Variants in NSMF observed in about 807,000 individuals in gnomAD.
The protein encoded by NSMF is nasal embryonic LHRH factor.
In NSMF, 31 loss-of-function variants were observed where a neutral mutation model predicts 71.0. The observed-to-expected ratio is 0.44, with a 90% CI of 0.33 to 0.59. The LOEUF is 0.59. NSMF is among the 20% of genes least tolerant of loss of function. The pLI is 0.04. For missense variants in NSMF, 673 were observed against 740.5 expected (o/e 0.91, Z 1.06); for synonymous variants, 345 against 287.1 (o/e 1.20, Z -2.04).
chr9:137,459,070 C>T lies in NSMF; in HGVS notation c.33G>A (p.Leu11=). The change falls in exon 1 of 16, where the codon CTG becomes CTA. Residue 11 remains leucine, a synonymous_variant. Coordinates refer to ENST00000371475, the MANE Select transcript of NSMF (RefSeq NM_001130969.3). The part of the protein sequence containing the change: MGAAASRRRA[L]RSEAMSSVAA... ...CCACCGAGGACATGGCCTCGCTCCT[C>T]AGCGCCCTCCTCCTGGAGGCGGCGG... 2 of 1,273,066 alleles carry T rather than the reference C, an allele frequency of 1.6e-6. No individual in the cohort carries two copies. Among genetic ancestry groups the T allele is most frequent in the South Asian group, 5.2e-5 (2 of 38,692 alleles). The allele number at this position is 1,273,066 out of a possible 1,614,324, so 78.9% of individuals were successfully genotyped here.
Position 137,455,715 on chromosome 9 carries a change from G to C in NSMF, c.705-81C>G, listed in dbSNP as rs144365670. On this transcript the variant is annotated intron_variant, in intron 4 of 15. Coordinates refer to ENST00000371475, the MANE Select transcript of NSMF (RefSeq NM_001130969.3). ...CCGGGCCTCCCCTCAGCCCCCACCC[G>C]GTCCCTACAGTTCCCTTCTTGTCAC... The C allele has an allele frequency of 2.7e-6, 4 of 1,461,636 alleles. No individual in the cohort carries two copies. The Admixed American group carries it at 5.9e-5, about 22-fold the overall frequency. 90.5% of individuals were successfully genotyped at this position (1,461,636 alleles called of 1,614,324 possible).
At chr9:137,457,385 T>C in intron 3 of NSMF, 22 bp downstream of exon 3, 2 of 1,612,868 alleles carry the variant, frequency 1.2e-6, no homozygotes, top group Non-Finnish European at 1.7e-6. Flanking sequence ...AACCTGTCTA[T>C]GCCCTGACAC....
chr9:137,456,619 G>A (rs1830851114), intron 3 of NSMF, 133 bp from the exon 4 acceptor site: 2 of 730,976 alleles, frequency 2.7e-6, no homozygotes, highest in African/African-American at 1.7e-5. Flanking sequence ...TGGGGGGAGG[G>A]TGGCATCCCC....
At position 137,457,466 on chromosome 9, in the gene NSMF, G is replaced by A. The variant is rs1192435041; in HGVS notation, c.569C>T (p.Pro190Leu). 6.2e-7 allele frequency: 1 copy of A among 1,612,816 alleles called. No homozygotes were observed. The highest frequency in any genetic ancestry group is 1.1e-5 in the South Asian group (1 of 91,078). Residue 190 changes from proline to leucine, a missense_variant, in exon 3 of 16, where the codon CCT (proline) becomes CTT (leucine). Physicochemically the swap from Pro to Leu is moderately conservative, Grantham distance 98 (BLOSUM62 -3). This residue lies in a region of NSMF where 471 missense variants were observed against 459.6 expected (regional missense o/e 1.02). Transcript: ENST00000371475. ...RAFGLDQPPL[P>L]ETSGRRKKLE... ...CTTCTTGCGGCGACCGGAGGTCTCA[G>A]GCAGAGGTGGCTGGTCCAGCCCAAA...
rs1041862636 is a variant in NSMF at position 137,449,109 on chromosome 9, A to G, written c.*285T>C. The G allele has an allele frequency of 1.8e-6, 1 of 564,640 alleles. No individual in the cohort carries two copies. The highest frequency in any genetic ancestry group is 2.0e-5 in the South Asian group (1 of 49,740). 35.0% of individuals were successfully genotyped at this position (564,640 alleles called of 1,614,324 possible). A position where few individuals can be genotyped will look rare whatever the true frequency, so the allele number is the denominator to read the frequency against. On this transcript the variant is annotated 3_prime_UTR_variant, in exon 16 of 16. Coordinates refer to ENST00000371475, the MANE Select transcript of NSMF (RefSeq NM_001130969.3). The stretch of plus-strand genomic sequence containing the variant: ...CTATGAACCCCATGGAGGGATGCCC[A>G]CAGCTGAGCCTCCAGGCGAGGCATG...
At chr9:137,456,684 G>A (rs1049524693) in intron 3 of NSMF, among the ~76,000 whole-genome samples, 198 bp from the exon 4 acceptor site, 1 of 152,200 alleles carries the variant, frequency 6.6e-6, no homozygotes, top group Non-Finnish European at 1.5e-5. Context: ...CCAAGACCAC[G>A]CTCTTGGTAA....
At chr9:137,450,452 C>G (rs565826899) in intron 12 of NSMF, among the ~76,000 whole-genome samples, 197 bp from the exon 13 acceptor site, 1 of 102,152 alleles carries the variant, frequency 9.8e-6, no homozygotes, top group Non-Finnish European at 2.0e-5. Flanking sequence ...CCCCCCACGC[C>G]TCTTCCCCTT....
chr9:137,455,754 C>A, intron 4 of NSMF, 120 bp from the exon 5 acceptor site: 2 of 1,098,262 alleles, frequency 1.8e-6, no homozygotes, highest in South Asian at 1.3e-5. Flanking sequence ...CCCAATAGGT[C>A]CCTCACAGGT....
rs1830848369 is a variant in NSMF at position 137,456,564 on chromosome 9, T to C, written c.629-78A>G. On this transcript the variant is annotated intron_variant, in intron 3 of 15. Transcript: ENST00000371475. ...CTCTCCCTCCCTGTTGGGAAGCAGATGCTTCTGGGTCCAGGGGTCAGCAGA... is the reference window on the plus strand; with the variant it reads ...CTCTCCCTCCCTGTTGGGAAGCAGACGCTTCTGGGTCCAGGGGTCAGCAGA... 17 of 908,258 alleles carry C rather than the reference T, an allele frequency of 1.9e-5. No homozygotes were observed. The South Asian group carries it at 2.2e-4, about 12-fold the overall frequency. The allele number at this position is 908,258 out of a possible 1,614,324, so 56.3% of individuals were successfully genotyped here. A position where few individuals can be genotyped will look rare whatever the true frequency, so the allele number is the denominator to read the frequency against.
chr9:137,456,189 C>T (rs957848825), intron 4 of NSMF, among the ~76,000 whole-genome samples: 1 of 151,184 alleles, frequency 6.6e-6, no homozygotes, highest in Non-Finnish European at 1.5e-5. Context: ...TGGGCCAGGT[C>T]CCCTGACTGT....
rs1830604208 is a variant in NSMF, at chr9:137,452,771, G to A, written c.1096C>T (p.Arg366Cys). 6 of 1,606,930 alleles carry A rather than the reference G, an allele frequency of 3.7e-6. No homozygotes were observed. Among genetic ancestry groups the A allele is most frequent in the Non-Finnish European group, 5.1e-6 (6 of 1,177,964 alleles). Residue 366 changes from arginine (R) to cysteine (C), a missense_variant, in exon 10 of 16, where the codon CGC becomes TGC. Around this residue, in one of 2 missense-constraint regions of NSMF, gnomAD observed 202 missense variants for 280.8 expected, o/e 0.72. Coordinates refer to ENST00000371475, the MANE Select transcript of NSMF (RefSeq NM_001130969.3). Reference sequence around the variant, plus strand: ...GGGATGATGGAGGGGTCATCCCGGCGGATGATAGTGGGGATGTACTCAGCC... The same window carrying A: ...GGGATGATGGAGGGGTCATCCCGGCAGATGATAGTGGGGATGTACTCAGCC... ...PKAEYIPTII[R>C]RDDPSIIPIL...
rs1831036358 is a variant in NSMF, at chr9:137,459,012, G to T, written c.71+20C>A. On this transcript the variant is annotated intron_variant, in intron 1 of 15. Transcript: ENST00000371475. ...GGAGGTCCAGGGCGGGGTGCGGGAA[G>T]GCGGCCCCGCCGCACTCACCGCACT... The T allele has an allele frequency of 1.4e-5, 18 of 1,275,818 alleles. No individual in the cohort carries two copies. Among genetic ancestry groups the T allele is most frequent in the Non-Finnish European group, 1.8e-5 (18 of 1,012,074 alleles). The allele number at this position is 1,275,818 out of a possible 1,614,324, so 79.0% of individuals were successfully genotyped here. A position where few individuals can be genotyped will look rare whatever the true frequency, so the allele number is the denominator to read the frequency against.
At chr9:137,455,032 T>C (rs1446792165) in intron 6 of NSMF, 2 of 732,134 alleles carry the variant, frequency 2.7e-6, no homozygotes, top group Non-Finnish European at 5.0e-6. Context: ...CAGAGACACG[T>C]GCCCTCGGAG....
At position 137,453,462 on chromosome 9, in the gene NSMF, G is replaced by C. The variant is rs937297038; in HGVS notation, c.922+269C>G. 5 of 600,320 alleles carry C rather than the reference G, an allele frequency of 8.3e-6. No individual in the cohort carries two copies. Among genetic ancestry groups the C allele is most frequent in the South Asian group, 4.0e-5 (2 of 50,518 alleles). The allele number at this position is 600,320 out of a possible 1,614,324, so 37.2% of individuals were successfully genotyped here. ...CGGGCGCCTGGGAGGGAGTGGGGGC[G>C]GGCACCGCAGCCCCCTGCCCCTGAG... On this transcript the variant is annotated intron_variant, in intron 8 of 15. Coordinates refer to ENST00000371475, the MANE Select transcript of NSMF (RefSeq NM_001130969.3). This position sits in a 1 kb window ranked among gnomAD's most constrained non-coding sequence, Gnocchi z 4.5.
intron 7 of NSMF, among the ~76,000 whole-genome samples, chr9:137,454,044 T>C (rs1431267494): frequency 7.0e-6 from 1 of 141,848 alleles, no homozygotes; most frequent in East Asian, 2.1e-4. Context: ...GGGAGGAGCC[T>C]GGGCCGGGCT....
chr9:137,454,457 C>A lies in NSMF; in HGVS notation c.780-14G>T. The A allele has an allele frequency of 6.5e-7, 1 of 1,550,176 alleles. No individual in the cohort carries two copies. The highest frequency in any genetic ancestry group is 8.7e-7 in the Non-Finnish European group (1 of 1,146,832). Reference sequence around the variant, plus strand: ...TTGCGGAAGTTCCTGGGGGAGGAAGCCAGGGGCTGAAGAGGGCCGTGAGAG... The same window carrying A: ...TTGCGGAAGTTCCTGGGGGAGGAAGACAGGGGCTGAAGAGGGCCGTGAGAG... On this transcript the variant is annotated splice_polypyrimidine_tract_variant and intron_variant, in intron 6 of 15. Transcript: ENST00000371475.
chr9:137,453,606 C>T lies in NSMF; in HGVS notation c.922+125G>A, dbSNP rs1830662286. 6 of 723,580 alleles carry T rather than the reference C, an allele frequency of 8.3e-6. No homozygotes were observed. The highest frequency in any genetic ancestry group is 1.3e-5 in the Non-Finnish European group (6 of 448,822). The allele number at this position is 723,580 out of a possible 1,614,324, so 44.8% of individuals were successfully genotyped here. On this transcript the variant is annotated intron_variant, in intron 8 of 15. Coordinates refer to ENST00000371475, the MANE Select transcript of NSMF (RefSeq NM_001130969.3). This position sits in a 1 kb window ranked among gnomAD's most constrained non-coding sequence, Gnocchi z 4.5. Reference sequence around the variant, plus strand: ...GCTGAGGGCGTCCCCATCTCACAAACAGGTAAACCAAGATTCAGGAGTGCA... The same window carrying T: ...GCTGAGGGCGTCCCCATCTCACAAATAGGTAAACCAAGATTCAGGAGTGCA...
At position 137,453,899 on chromosome 9, in the gene NSMF, A is replaced by AG. The variant is rs535712459; in HGVS notation, c.833-80dup. Reference sequence around the variant, plus strand: ...CTCAGACCCCAGGCGAGGGGACCACAGGGGCCCTGGGCAGAGGAGGAAGCT... The same window carrying AG: ...CTCAGACCCCAGGCGAGGGGACCACAGGGGGCCCTGGGCAGAGGAGGAAGCT... On this transcript the variant is annotated intron_variant, in intron 7 of 15. Coordinates refer to ENST00000371475, the MANE Select transcript of NSMF (RefSeq NM_001130969.3). The surrounding 1 kb of genome is among the most constrained non-coding windows in gnomAD (Gnocchi z 4.5). The AG allele has an allele frequency of 1.0e-5, 13 of 1,239,286 alleles. No homozygotes were observed. The South Asian group carries it at 1.7e-4, about 16-fold the overall frequency. The allele number at this position is 1,239,286 out of a possible 1,614,324, so 76.8% of individuals were successfully genotyped here. A position where few individuals can be genotyped will look rare whatever the true frequency, so the allele number is the denominator to read the frequency against.
chr9:137,456,100 C>T (rs1163953871), intron 4 of NSMF, among the ~76,000 whole-genome samples: 1 of 152,144 alleles, frequency 6.6e-6, no homozygotes, highest in African/African-American at 2.4e-5. Flanking sequence ...GGAGGGCAGA[C>T]ACAGGCTGAG....
Sources: allele counts gnomAD v4.1 joint callset (sites outside exome capture counted in the v4.1 genomes callset), GRCh38; gene constraint gnomAD v4.1.1; regional missense constraint gnomAD v4.1.1; non-coding constraint Gnocchi (gnomAD v3.1); transcripts MANE v1.5; gene names NCBI Gene and HGNC (gene_info 2026-07-23, HGNC 2026-07-21).